BBS9: variants seen among roughly 807,000 people sequenced by gnomAD.
BBS9 encodes protein PTHB1.
In BBS9, 89 loss-of-function variants were observed where a neutral mutation model predicts 117.7. That is an observed-to-expected ratio of 0.76 (90% CI 0.64 to 0.90). BBS9 has a LOEUF of 0.90. Ranked by LOEUF, BBS9 falls within the 40% of genes least tolerant of loss-of-function variation. The pLI, the probability that BBS9 is intolerant of heterozygous loss-of-function variation, is 0.00. For synonymous variants in BBS9, 379 were observed against 370.9 expected (o/e 1.02, Z -0.25); for missense variants, 982 against 1,042.2 (o/e 0.94, Z 0.80).
intron 16 of BBS9, among the ~76,000 whole-genome samples, chr7:33,367,277 TG>T (rs1821953830): frequency 6.6e-6 from 1 of 152,178 alleles, no homozygotes; most frequent in Non-Finnish European, 1.5e-5. Flanking sequence ...CATCCAATAG[TG>T]ACCATTTGTT....
intron 5 of BBS9, among the ~76,000 whole-genome samples, chr7:33,248,451 T>C (rs1795716004): frequency 6.6e-6 from 1 of 152,170 alleles, no homozygotes; most frequent in Non-Finnish European, 1.5e-5. Context: ...CAATTATTAG[T>C]TACTAAGCAT....
At chr7:33,268,868 A>G (rs1799272300) in intron 7 of BBS9, among the ~76,000 whole-genome samples, 1 of 152,178 alleles carries the variant, frequency 6.6e-6, no homozygotes, top group African/African-American at 2.4e-5. Flanking sequence ...CGAGGTACAG[A>G]CACTGACGTA....
At chr7:33,485,117 G>C (rs1408449022) in intron 19 of BBS9, among the ~76,000 whole-genome samples, 1 of 152,006 alleles carries the variant, frequency 6.6e-6, no homozygotes, top group Non-Finnish European at 1.5e-5. Context: ...CACATTGTTG[G>C]GGGGCAACAC....
chr7:33,330,833 G>A (rs762361271), intron 9 of BBS9, among the ~76,000 whole-genome samples: 4 of 152,262 alleles, frequency 2.6e-5, no homozygotes, highest in Middle Eastern at 3.4e-3. Context: ...TTCACAGACC[G>A]ATAATAATTC....
intron 19 of BBS9, among the ~76,000 whole-genome samples, chr7:33,448,406 T>C (rs1418130370): frequency 6.6e-6 from 1 of 152,198 alleles, no homozygotes; most frequent in East Asian, 1.9e-4. Flanking sequence ...GGCTCTCATT[T>C]ACTATTCTGA....
intron 16 of BBS9, among the ~76,000 whole-genome samples, chr7:33,361,216 C>G (rs1820555727): frequency 6.6e-6 from 1 of 152,130 alleles, no homozygotes; most frequent in South Asian, 2.1e-4. Flanking sequence ...GTTAAATTAC[C>G]TGACCATCAA....
chr7:33,257,274 C>T lies in BBS9; in HGVS notation c.481C>T (p.Leu161=), dbSNP rs373453392. The change falls in exon 6 of 23, where the codon CTG becomes TTG. Residue 161 remains leucine, a synonymous_variant. Coordinates refer to ENST00000242067, the MANE Select transcript of BBS9 (RefSeq NM_198428.3). ...LICIQSMDGM[L]MVFEQESYAF... ...TTGCATCCAGTCTATGGATGGGATGCTGATGGTATTTGAGCAGGAGAGCTA... is the reference window on the plus strand; with the variant it reads ...TTGCATCCAGTCTATGGATGGGATGTTGATGGTATTTGAGCAGGAGAGCTA... 3 of 1,613,550 alleles carry T rather than the reference C, an allele frequency of 1.9e-6. No individual in the cohort carries two copies. Among genetic ancestry groups the T allele is most frequent in the African/African-American group, 2.7e-5 (2 of 74,880 alleles).
chr7:33,523,327 A>C (rs1398720407), intron 20 of BBS9, among the ~76,000 whole-genome samples: 3 of 130,232 alleles, frequency 2.3e-5, no homozygotes, highest in Non-Finnish European at 4.8e-5. Flanking sequence ...GAATCTGTAA[A>C]TTACCTTGGG....
At chr7:33,572,050 T>C (rs1217505717) in intron 21 of BBS9, among the ~76,000 whole-genome samples, 2 of 152,102 alleles carry the variant, frequency 1.3e-5, no homozygotes, top group African/African-American at 4.8e-5. Flanking sequence ...TATCTAGTTG[T>C]ATTTTTGTAT....
chr7:33,530,377 T>C (rs1268572924), intron 20 of BBS9, among the ~76,000 whole-genome samples: 2 of 152,254 alleles, frequency 1.3e-5, no homozygotes, highest in African/African-American at 4.8e-5. Context: ...CTAAATGTCA[T>C]ATCTACTTAA....
At chr7:33,609,987 G>A (rs1229309828), downstream of BBS9, among the ~76,000 whole-genome samples, 1 of 151,984 alleles carries the variant, frequency 6.6e-6, no homozygotes. Context: ...CTGCTACAAG[G>A]GGAAGACAGG....
At chr7:33,578,063 T>A (rs1373843666) in intron 21 of BBS9, among the ~76,000 whole-genome samples, 3 of 152,148 alleles carry the variant, frequency 2.0e-5, no homozygotes, top group Non-Finnish European at 4.4e-5. Flanking sequence ...TTAAAAAATG[T>A]CCTCTTGCTA....
intron 1 of BBS9, among the ~76,000 whole-genome samples, chr7:33,133,701 C>A (rs1488731472): frequency 2.0e-5 from 3 of 152,124 alleles, no homozygotes; most frequent in Non-Finnish European, 4.4e-5. Context: ...TATTCATCAG[C>A]TGATGGACAT....
chr7:33,607,694 AT>A (rs1192078058), downstream of BBS9, among the ~76,000 whole-genome samples: 1 of 151,990 alleles, frequency 6.6e-6, no homozygotes. Context: ...TTAAAAGATA[AT>A]TTTTTCTCTG....
At position 33,590,463 on chromosome 7, in the gene BBS9, T is replaced by TTTTGTTTTTG. The variant is rs1452831433; in HGVS notation, c.2522-14399_2522-14398insGTTTTTGTTT. 1.1e-4 allele frequency among the ~76,000 whole-genome samples: 16 copies of TTTTGTTTTTG among 146,988 alleles called. 1 individual carries two copies. Among genetic ancestry groups the TTTTGTTTTTG allele is most frequent in the South Asian group, 4.2e-4 (2 of 4,728 alleles). ...TGTTTGTTTTTTTGTTTTTTTGTTT[T>TTTTGTTTTTG]TTTTTTTTTTTTTTACCAGATCAGA... On this transcript the variant is annotated intron_variant, in intron 21 of 22. Coordinates refer to ENST00000242067, the MANE Select transcript of BBS9 (RefSeq NM_198428.3).
intron 17 of BBS9, among the ~76,000 whole-genome samples, chr7:33,382,441 C>T (rs1219971798): frequency 7.4e-6 from 1 of 135,382 alleles, no homozygotes; most frequent in African/African-American, 2.9e-5. Flanking sequence ...GCCTGGGTGA[C>T]AGAGTGAGAC....
chr7:33,330,832 C>T (rs1434246175), intron 9 of BBS9, among the ~76,000 whole-genome samples: 2 of 152,068 alleles, frequency 1.3e-5, no homozygotes, highest in African/African-American at 2.4e-5. Flanking sequence ...CTTCACAGAC[C>T]GATAATAATT....
intron 21 of BBS9, among the ~76,000 whole-genome samples, chr7:33,541,476 CT>C (rs1852289199): frequency 6.6e-6 from 1 of 152,166 alleles, no homozygotes; most frequent in African/African-American, 2.4e-5. Context: ...AATATTCTGT[CT>C]TCATTTTCAG....
intron 9 of BBS9, among the ~76,000 whole-genome samples, chr7:33,279,527 G>A (rs1008308623): frequency 1.4e-4 from 22 of 152,118 alleles, no homozygotes; most frequent in African/African-American, 4.6e-4. Flanking sequence ...TTTTAAATAC[G>A]TTTCTTTTCA....
Sources: allele counts gnomAD v4.1 joint callset (sites outside exome capture counted in the v4.1 genomes callset), GRCh38; gene constraint gnomAD v4.1.1; transcripts MANE v1.5; gene names NCBI Gene and HGNC (gene_info 2026-07-23, HGNC 2026-07-21).